The following DGKG variants were observed in gnomAD, a reference collection of about 807,000 sequenced individuals.
The protein encoded by DGKG is diacylglycerol kinase gamma.
A neutral mutation model predicts 105.3 loss-of-function variants in DGKG; 78 were observed. That is an observed-to-expected ratio of 0.74 (90% CI 0.62 to 0.89). DGKG has a LOEUF of 0.89. Among genes scored for constraint, DGKG ranks in the 40% least tolerant of loss-of-function variants. The pLI, the probability that DGKG is intolerant of heterozygous loss-of-function variation, is 0.00. For synonymous variants in DGKG, 346 were observed against 367.1 expected (o/e 0.94, Z 0.66); for missense variants, 958 against 1,020.1 (o/e 0.94, Z 0.83).
At chr3:186,308,669 T>G (rs1724374300) in intron 2 of DGKG, among the ~76,000 whole-genome samples, 1 of 152,190 alleles carries the variant, frequency 6.6e-6, no homozygotes, top group Admixed American at 6.5e-5. Flanking sequence ...AAATGGAAAT[T>G]TCTTTCTGAA....
At chr3:186,172,807 GGGTA>G (rs1716886391) in intron 22 of DGKG, among the ~76,000 whole-genome samples, 1 of 152,230 alleles carries the variant, frequency 6.6e-6, no homozygotes, top group Non-Finnish European at 1.5e-5. Flanking sequence ...GTGTCATTTA[GGGTA>G]GGTCATTTGT....
In DGKG at chr3:186,320,568, C is replaced by T; in HGVS notation, c.-109G>A. The T allele has an allele frequency of 1.3e-6, 2 of 1,577,596 alleles. No homozygotes were observed. Among genetic ancestry groups the T allele is most frequent in the Admixed American group, 1.8e-5 (1 of 55,160 alleles). Reference sequence around the variant, plus strand: ...CTCATTGCAGGTTTGCGATGTAAGCCTTTCAGGAGACTTCTGGGAGCACTC... The same window carrying T: ...CTCATTGCAGGTTTGCGATGTAAGCTTTTCAGGAGACTTCTGGGAGCACTC... On this transcript the variant is annotated 5_prime_UTR_variant, in exon 2 of 25. Transcript: ENST00000265022.
intron 20 of DGKG, among the ~76,000 whole-genome samples, chr3:186,235,627 T>C (rs779796511): frequency 1.7e-4 from 26 of 152,242 alleles, no homozygotes; most frequent in Non-Finnish European, 2.6e-4. Flanking sequence ...AATCATGATA[T>C]ATTTTATGCT....
chr3:186,318,329 G>A (rs1475598363), intron 2 of DGKG, among the ~76,000 whole-genome samples: 1 of 151,976 alleles, frequency 6.6e-6, no homozygotes, highest in African/African-American at 2.4e-5. Context: ...ATGCTTAGTG[G>A]GTGTGTTATC....
At chr3:186,293,311 C>G (rs1018715062) in intron 5 of DGKG, among the ~76,000 whole-genome samples, 5 of 152,186 alleles carry the variant, frequency 3.3e-5, no homozygotes, top group Admixed American at 6.5e-5. Flanking sequence ...CACCACTGAT[C>G]TTTGTTGTTT....
rs147659054 is a variant in DGKG, at chr3:186,242,554, T to C, written c.1776A>G (p.Ala592=). 102 of 1,613,638 alleles carry C rather than the reference T, an allele frequency of 6.3e-5. No homozygotes were observed. The highest frequency in any genetic ancestry group is 8.2e-5 in the Non-Finnish European group (97 of 1,179,734). Residue 592 remains alanine, a synonymous_variant, in exon 20 of 25, where the codon GCA becomes GCG. Coordinates refer to ENST00000265022, the MANE Select transcript of DGKG (RefSeq NM_001346.3). Reference sequence around the variant, plus strand: ...TCTCTCTCATCACATGGAATCTGTGTGCAATGGAAGCGTCCTGAAAGTGAA... The same window carrying C: ...TCTCTCTCATCACATGGAATCTGTGCGCAATGGAAGCGTCCTGAAAGTGAA... ...YFSIGVDASI[A]HRFHVMREKH...
At chr3:186,251,290 GT>G (rs1721212965) in intron 19 of DGKG, among the ~76,000 whole-genome samples, 1 of 152,184 alleles carries the variant, frequency 6.6e-6, no homozygotes, top group Admixed American at 6.5e-5. Flanking sequence ...GTGGAATGGG[GT>G]TGAGAGAAGA....
intron 21 of DGKG, among the ~76,000 whole-genome samples, chr3:186,204,599 C>T (rs1179245290): frequency 6.6e-6 from 1 of 151,682 alleles, no homozygotes; most frequent in Admixed American, 6.6e-5. Context: ...CCAGCACGTC[C>T]TTTTTTTTAA....
rs1469900280 is a variant in DGKG, at chr3:186,149,645, C to A, written c.*445G>T. On this transcript the variant is annotated 3_prime_UTR_variant, in exon 25 of 25. Coordinates refer to ENST00000265022, the MANE Select transcript of DGKG (RefSeq NM_001346.3). ...GTACAGAGGGAACTTTGTGCAAATT[C>A]TCTGGAACCAGAGCTCCTTCCCTTG... The A allele has an allele frequency of 3.0e-6, 3 of 988,824 alleles. No homozygotes were observed. Among genetic ancestry groups the A allele is most frequent in the East Asian group, 1.1e-4 (1 of 8,900 alleles). 61.3% of individuals were successfully genotyped at this position (988,824 alleles called of 1,614,324 possible). A position where few individuals can be genotyped will look rare whatever the true frequency, so the allele number is the denominator to read the frequency against.
chr3:186,334,859 A>T (rs1034491667), intron 1 of DGKG, among the ~76,000 whole-genome samples: 1 of 152,178 alleles, frequency 6.6e-6, no homozygotes, highest in African/African-American at 2.4e-5. Context: ...GGCTTGTGGC[A>T]GTACTTGGCA....
chr3:186,204,440 T>C (rs1200297811), intron 21 of DGKG, among the ~76,000 whole-genome samples: 1 of 152,052 alleles, frequency 6.6e-6, no homozygotes, highest in East Asian at 1.9e-4. Flanking sequence ...CTGGTTTAGA[T>C]TGGAATAGCT....
At chr3:186,195,083 C>T (rs1366911562) in intron 21 of DGKG, among the ~76,000 whole-genome samples, 1 of 150,182 alleles carries the variant, frequency 6.7e-6, no homozygotes, top group Non-Finnish European at 1.5e-5. Context: ...CCAGCCTGGG[C>T]GATAGAGCGA....
chr3:186,204,581 C>G (rs910140719), intron 21 of DGKG, among the ~76,000 whole-genome samples: 6 of 152,086 alleles, frequency 3.9e-5, no homozygotes, highest in Non-Finnish European at 8.8e-5. Flanking sequence ...ATATCACCAG[C>G]ATAGTACCCA....
At chr3:186,189,823 T>A in intron 21 of DGKG, among the ~76,000 whole-genome samples, 1 of 152,014 alleles carries the variant, frequency 6.6e-6, no homozygotes, top group East Asian at 1.9e-4. Flanking sequence ...ATTTGAGAGG[T>A]CTCTTTATGT....
At chr3:186,183,101 G>A (rs895066764) in intron 22 of DGKG, among the ~76,000 whole-genome samples, 3 of 152,140 alleles carry the variant, frequency 2.0e-5, no homozygotes, top group Non-Finnish European at 2.9e-5. Flanking sequence ...GCCTTTCCTC[G>A]GACTGGGTCT....
At chr3:186,311,401 A>G (rs924474710) in intron 2 of DGKG, among the ~76,000 whole-genome samples, 4 of 152,178 alleles carry the variant, frequency 2.6e-5, no homozygotes, top group Admixed American at 6.5e-5. Context: ...AAAGAACTCT[A>G]CCCAACAGGT....
At chr3:186,355,977 T>C (rs1233367372) in intron 1 of DGKG, among the ~76,000 whole-genome samples, 1 of 152,128 alleles carries the variant, frequency 6.6e-6, no homozygotes, top group Non-Finnish European at 1.5e-5. Flanking sequence ...ACCAACAAAA[T>C]TGCTTCTTTG....
chr3:186,260,621 A>T, intron 15 of DGKG, 108 bp from the exon 16 acceptor site: 1 of 841,076 alleles, frequency 1.2e-6, no homozygotes, highest in Non-Finnish European at 1.9e-6. Context: ...GGTGGCAGGG[A>T]TGAGGGTTCA....
At chr3:186,198,856 A>G (rs1394168367) in intron 21 of DGKG, among the ~76,000 whole-genome samples, 1 of 152,256 alleles carries the variant, frequency 6.6e-6, no homozygotes, top group Non-Finnish European at 1.5e-5. Context: ...GAAAAACTAG[A>G]GAGAATGTTT....
Sources: allele counts gnomAD v4.1 joint callset (sites outside exome capture counted in the v4.1 genomes callset), GRCh38; gene constraint gnomAD v4.1.1; transcripts MANE v1.5; gene names NCBI Gene and HGNC (gene_info 2026-07-23, HGNC 2026-07-21).